Variants in TCN1 observed in about 807,000 individuals in gnomAD.
TCN1 encodes the protein transcobalamin 1.
Under a neutral mutation model 46.3 loss-of-function variants are expected in TCN1, and 47 were observed. The ratio of observed to expected loss-of-function variants is 1.01; its 90% CI spans 0.80 to 1.29. The LOEUF (loss-of-function observed/expected upper bound fraction) is 1.29, where lower values mean the gene tolerates loss of function less well. Among genes scored for constraint, TCN1 ranks in the 50% most tolerant of loss-of-function variants. TCN1 has a pLI of 0.00. For synonymous variants in TCN1, 183 were observed against 192.5 expected (o/e 0.95, Z 0.41); for missense variants, 532 against 511.0 (o/e 1.04, Z -0.40).
intron 4 of TCN1, among the ~76,000 whole-genome samples, chr11:59,859,625 C>G (rs1335980799): frequency 6.6e-6 from 1 of 152,130 alleles, no homozygotes; most frequent in Admixed American, 6.5e-5. Flanking sequence ...GTACTCTGGC[C>G]ACCTTTAGCT....
At chr11:59,860,594 A>T (rs1853006519) in intron 4 of TCN1, among the ~76,000 whole-genome samples, 1 of 152,084 alleles carries the variant, frequency 6.6e-6, no homozygotes. Flanking sequence ...ATGTTGGCTG[A>T]GGGATTGAGA....
In TCN1 at chr11:59,852,882, G is replaced by T. The variant is rs560226201; in HGVS notation, c.*93C>A. On this transcript the variant is annotated 3_prime_UTR_variant, in exon 9 of 9. Transcript: ENST00000257264. Reference sequence around the variant, plus strand: ...GGGGAGGTTATTAACTCTCCTGCTCGTACTGGGATAAATGAAGAAGAAGGC... The same window carrying T: ...GGGGAGGTTATTAACTCTCCTGCTCTTACTGGGATAAATGAAGAAGAAGGC... 2.6e-6 allele frequency: 3 copies of T among 1,167,738 alleles called. No individual in the cohort carries two copies. Among genetic ancestry groups the T allele is most frequent in the African/African-American group, 3.0e-5 (2 of 66,214 alleles). 72.3% of individuals were successfully genotyped at this position (1,167,738 alleles called of 1,614,324 possible).
intron 7 of TCN1, 147 bp from the exon 8 acceptor site, chr11:59,853,468 AT>A: frequency 1.3e-6 from 1 of 790,190 alleles, no homozygotes; most frequent in Non-Finnish European, 2.2e-6. Context: ...AGATATTTTT[AT>A]TTTTAGATAT....
In TCN1 at chr11:59,855,938, C is replaced by T. The variant is rs2135105665; in HGVS notation, c.868G>A (p.Val290Ile). The change falls in exon 6 of 9, where the codon GTC (valine) becomes ATC (isoleucine). Residue 290 changes from valine (V) to isoleucine (I), a missense_variant. Physicochemically the swap from Val to Ile is conservative, Grantham distance 29. Transcript: ENST00000257264. ...GTCTTTCCCATCAGGGCAGGTAAGA[C>T]CTGGGCTGCAGCGTTTGGATTGCTG... ...AFSNPNAAAQVLPALMGKTFL... is the reference protein window; with the variant it reads ...AFSNPNAAAQILPALMGKTFL... 6.2e-7 allele frequency: 1 copy of T among 1,613,828 alleles called. No individual in the cohort carries two copies.
chr11:59,861,645 C>A lies in TCN1; in HGVS notation c.438G>T (p.Gln146His), dbSNP rs145685147. Residue 146 changes from glutamine to histidine, a missense_variant, in exon 4 of 9, where the codon CAG becomes CAT. Transcript: ENST00000257264. ...HNGTPLTNYYQLSLDVLALCL... is the reference protein window; with the variant it reads ...HNGTPLTNYYHLSLDVLALCL... ...ACAAGGCCAAAACGTCCAGGCTGAG[C>A]TGGTAGTAGTTAGTCAGGGGAGTGC... 62 of 1,614,098 alleles carry A rather than the reference C, an allele frequency of 3.8e-5. No individual in the cohort carries two copies. In the African/African-American group the frequency reaches 8.1e-4, roughly 21 times the overall value.
chr11:59,853,528 C>G (rs1280172949), intron 7 of TCN1, among the ~76,000 whole-genome samples: 1 of 152,116 alleles, frequency 6.6e-6, no homozygotes, highest in Non-Finnish European at 1.5e-5. Context: ...CCAGCTGATT[C>G]TAATGCAGGC....
At chr11:59,854,467 T>A (rs1852904360) in intron 7 of TCN1, among the ~76,000 whole-genome samples, 185 bp downstream of exon 7, 1 of 152,162 alleles carries the variant, frequency 6.6e-6, no homozygotes, top group Admixed American at 6.5e-5. Context: ...TACTACCTAT[T>A]ATGTGCAAGA....
intron 6 of TCN1, 68 bp downstream of exon 6, chr11:59,855,801 C>G: frequency 6.3e-7 from 1 of 1,576,566 alleles, no homozygotes; most frequent in South Asian, 1.1e-5. Context: ...TCAAAGGACA[C>G]CTGAATCTCA....
chr11:59,858,637 A>G (rs1249026707), intron 5 of TCN1, among the ~76,000 whole-genome samples: 1 of 152,180 alleles, frequency 6.6e-6, no homozygotes, highest in East Asian at 1.9e-4. Context: ...TAGGAACCGC[A>G]GAATGTATAA....
At chr11:59,863,870 T>C in intron 2 of TCN1, 37 bp downstream of exon 2, 1 of 1,611,392 alleles carries the variant, frequency 6.2e-7, no homozygotes, top group Non-Finnish European at 8.5e-7. Context: ...AATAGGTAGA[T>C]TTTTTTCTAA....
At position 59,862,593 on chromosome 11, in the gene TCN1, A is replaced by G. The variant is rs775874375; in HGVS notation, c.389T>C (p.Ile130Thr). The change falls in exon 3 of 9, where the codon ATT becomes ACT. Residue 130 changes from isoleucine (I) to threonine (T), a missense_variant. Coordinates refer to ENST00000257264, the MANE Select transcript of TCN1 (RefSeq NM_001062.4). ...TATTTAATTCTTACCCATATTTTCAATTTCTGCTTGGAATTTATTTTCTAG... is the reference window on the plus strand; with the variant it reads ...TATTTAATTCTTACCCATATTTTCAGTTTCTGCTTGGAATTTATTTTCTAG... ...DKLENKFQAE[I>T]ENMEAHNGTP... is the part of the protein sequence containing the mutation. The G allele has an allele frequency of 2.8e-5, 45 of 1,613,284 alleles. No individual in the cohort carries two copies. In the Admixed American group the frequency reaches 3.8e-4, roughly 14 times the overall value.
rs759210340 is a variant in TCN1, at chr11:59,862,715, A to C, written c.267T>G (p.Asp89Glu). ...TCAAGGCAAGCTCTCCCGAGCTTAC[A>C]TCTGACACTGAAAAGAAAAGTATTC... ...IKYNVKSRLS[D>E]VSSGELALII... Residue 89 changes from aspartate to glutamate, a missense_variant, in exon 3 of 9, where the codon GAT (aspartate) becomes GAG (glutamate). Asp to Glu is a conservative substitution (Grantham distance 45). Transcript: ENST00000257264. 6.2e-7 allele frequency: 1 copy of C among 1,613,600 alleles called. No homozygotes were observed. Among genetic ancestry groups the C allele is most frequent in the South Asian group, 1.1e-5 (1 of 91,076 alleles).
intron 2 of TCN1, 90 bp from the exon 3 acceptor site, chr11:59,862,812 T>A (rs1240010960): frequency 6.9e-7 from 1 of 1,451,496 alleles, no homozygotes; most frequent in African/African-American, 1.4e-5. Context: ...TGCCTATCAC[T>A]TTTTTCTTCT....
In TCN1 at chr11:59,852,967, T is replaced by C. The variant is rs534937081; in HGVS notation, c.*8A>G. The C allele has an allele frequency of 1.9e-6, 3 of 1,613,938 alleles. No homozygotes were observed. ...GGATTTTATGCAGCTGAGGAAAGTT[T>C]GGGCTTATTAGTATTTGCTCCAGCG... On this transcript the variant is annotated 3_prime_UTR_variant, in exon 9 of 9. Coordinates refer to ENST00000257264, the MANE Select transcript of TCN1 (RefSeq NM_001062.4).
intron 1 of TCN1, 41 bp downstream of exon 1, chr11:59,866,351 G>A (rs1312596989): frequency 6.3e-7 from 1 of 1,587,828 alleles, no homozygotes; most frequent in African/African-American, 1.3e-5. Flanking sequence ...GTTTTCAGTA[G>A]ACTATCACTC....
Position 59,855,914 on chromosome 11 carries a change from T to G in TCN1, c.892A>C (p.Thr298Pro), listed in dbSNP as rs1852926366. Residue 298 changes from threonine to proline, a missense_variant, in exon 6 of 9, where the codon ACC becomes CCC. Physicochemically the swap from Thr to Pro is conservative, Grantham distance 38 (BLOSUM62 -1). Coordinates refer to ENST00000257264, the MANE Select transcript of TCN1 (RefSeq NM_001062.4). ...GAGTCTTTGTTAATATCCAAGAAGGTCTTTCCCATCAGGGCAGGTAAGACC... is the reference window on the plus strand; with the variant it reads ...GAGTCTTTGTTAATATCCAAGAAGGGCTTTCCCATCAGGGCAGGTAAGACC... ...AQVLPALMGK[T>P]FLDINKDSSC... 3 of 1,613,744 alleles carry G rather than the reference T, an allele frequency of 1.9e-6. No homozygotes were observed. Among genetic ancestry groups the G allele is most frequent in the East Asian group, 2.2e-5 (1 of 44,894 alleles).
intron 3 of TCN1, among the ~76,000 whole-genome samples, 153 bp downstream of exon 3, chr11:59,862,429 G>A (rs968359552): frequency 5.9e-5 from 9 of 152,028 alleles, no homozygotes. Context: ...AATTCAAGAT[G>A]CATACTGAAA....
At chr11:59,856,172 T>G in intron 5 of TCN1, 114 bp from the exon 6 acceptor site, 1 of 813,088 alleles carries the variant, frequency 1.2e-6, no homozygotes, top group Non-Finnish European at 2.0e-6. Flanking sequence ...ATGTAACTAA[T>G]TCAGTATTAA....
At chr11:59,866,122 G>A (rs1012416558) in intron 1 of TCN1, among the ~76,000 whole-genome samples, 1 of 152,172 alleles carries the variant, frequency 6.6e-6, no homozygotes, top group Non-Finnish European at 1.5e-5. Context: ...TGAATAGGGA[G>A]TTACTTGGTA....
Sources: allele counts gnomAD v4.1 joint callset (sites outside exome capture counted in the v4.1 genomes callset), GRCh38; gene constraint gnomAD v4.1.1; transcripts MANE v1.5; gene names NCBI Gene and HGNC (gene_info 2026-07-23, HGNC 2026-07-21).